The following VAV3 variants were observed in gnomAD, a reference collection of about 807,000 sequenced individuals.
VAV3 encodes the protein vav guanine nucleotide exchange factor 3, also known as guanine nucleotide exchange factor VAV3.
A neutral mutation model predicts 131.2 loss-of-function variants in VAV3; 94 were observed. The observed-to-expected ratio is 0.72, with a 90% CI of 0.61 to 0.85. The LOEUF (loss-of-function observed/expected upper bound fraction) is 0.85. Ranked by LOEUF, VAV3 falls within the 40% of genes least tolerant of loss-of-function variation. The pLI is 0.00. For synonymous variants in VAV3, 349 were observed against 342.0 expected (o/e 1.02, Z -0.22); for missense variants, 939 against 1,002.7 (o/e 0.94, Z 0.86).
chr1:107,711,786 C>T lies in VAV3; in HGVS notation c.1503-6725G>A, dbSNP rs1200485103. On this transcript the variant is annotated intron_variant, in intron 15 of 26. Coordinates refer to ENST00000370056, the MANE Select transcript of VAV3 (RefSeq NM_006113.5). ...TGGTGCAACCTCTGCCTCCCAGGTT[C>T]GAGCGATTCTCATGCCTCAGCCTCC... Among the ~76,000 whole-genome samples, 6 of 152,196 alleles carry T rather than the reference C, an allele frequency of 3.9e-5. No individual in the cohort carries two copies. The East Asian group carries it at 1.2e-3, about 29-fold the overall frequency.
chr1:107,964,659 T>A lies in VAV3; in HGVS notation c.204+7A>T. On this transcript the variant is annotated splice_region_variant and intron_variant, in intron 1 of 26. Transcript: ENST00000370056. The stretch of plus-strand genomic sequence containing the variant: ...TGGAGGCGGGGCGCCCGTGCCGGCC[T>A]CCTCACCTGGGACATCTGCGGCCTC... 2 of 1,609,968 alleles carry A rather than the reference T, an allele frequency of 1.2e-6. No homozygotes were observed. Among genetic ancestry groups the A allele is most frequent in the Non-Finnish European group, 1.7e-6 (2 of 1,177,788 alleles).
chr1:107,662,984 T>G lies in VAV3; in HGVS notation c.1778-20229A>C, dbSNP rs961145362. Among the ~76,000 whole-genome samples, 3 of 152,326 alleles carry G rather than the reference T, an allele frequency of 2.0e-5. No homozygotes were observed. In the South Asian group the frequency reaches 6.2e-4, roughly 32 times the overall value. On this transcript the variant is annotated intron_variant, in intron 19 of 26. Coordinates refer to ENST00000370056, the MANE Select transcript of VAV3 (RefSeq NM_006113.5). ...TGGTCTTGTCCTCCTGAAGCTTCCCTGGGTTTTCAATTACAGTTCTTTACA... is the reference window on the plus strand; with the variant it reads ...TGGTCTTGTCCTCCTGAAGCTTCCCGGGGTTTTCAATTACAGTTCTTTACA...
At chr1:107,824,200 G>A (rs192019658) in intron 2 of VAV3, among the ~76,000 whole-genome samples, 1 of 152,256 alleles carries the variant, frequency 6.6e-6, no homozygotes, top group East Asian at 1.9e-4. Flanking sequence ...GTGGTGATGG[G>A]AACAAATGCC....
intron 19 of VAV3, among the ~76,000 whole-genome samples, chr1:107,674,849 C>A (rs1557753142): frequency 6.6e-6 from 1 of 152,284 alleles, no homozygotes. Flanking sequence ...TGCAAGGAAA[C>A]CCTATCACCT....
intron 2 of VAV3, among the ~76,000 whole-genome samples, chr1:107,829,796 G>A (rs1668168193): frequency 6.6e-6 from 1 of 151,824 alleles, no homozygotes; most frequent in Non-Finnish European, 1.5e-5. Flanking sequence ...TTTAATTATG[G>A]AACATGTTCA....
chr1:107,936,569 T>C (rs1436462878), intron 1 of VAV3, among the ~76,000 whole-genome samples: 1 of 152,164 alleles, frequency 6.6e-6, no homozygotes, highest in Non-Finnish European at 1.5e-5. Context: ...TTTTAATTGT[T>C]TTCATTCATT....
At chr1:107,876,978 T>G (rs1189526788) in intron 1 of VAV3, among the ~76,000 whole-genome samples, 1 of 152,180 alleles carries the variant, frequency 6.6e-6, no homozygotes, top group East Asian at 1.9e-4. Flanking sequence ...CATATCTTTT[T>G]TTACTTCATC....
At chr1:107,798,449 T>C (rs1256854184) in intron 2 of VAV3, among the ~76,000 whole-genome samples, 1 of 151,718 alleles carries the variant, frequency 6.6e-6, no homozygotes, top group Non-Finnish European at 1.5e-5. Context: ...CCAGGCGTGG[T>C]GGCTCATGCC....
chr1:107,798,224 T>A (rs1286271879), intron 2 of VAV3, among the ~76,000 whole-genome samples: 1 of 152,216 alleles, frequency 6.6e-6, no homozygotes, highest in African/African-American at 2.4e-5. Flanking sequence ...TTTATTCTAA[T>A]TTCAACATCC....
rs78524975 is a variant in VAV3, at chr1:107,826,513, C to T, written c.322-47021G>A. ...GAGCTCAATGCAATAAAGTAAGTGT[C>T]GTTTTTGGAAAAAATGAAAATTGCC... On this transcript the variant is annotated intron_variant, in intron 2 of 26. Coordinates refer to ENST00000370056, the MANE Select transcript of VAV3 (RefSeq NM_006113.5). 2.0e-4 allele frequency among the ~76,000 whole-genome samples: 31 copies of T among 152,290 alleles called. 1 individual carries two copies. The highest frequency in any genetic ancestry group is 7.2e-4 in the Admixed American group (11 of 15,296).
In VAV3 at chr1:107,751,200, G is replaced by A; in HGVS notation, c.1176C>T (p.Asn392=). The A allele has an allele frequency of 1.2e-6, 2 of 1,610,078 alleles. No homozygotes were observed. The highest frequency in any genetic ancestry group is 1.7e-6 in the Non-Finnish European group (2 of 1,178,570). The change falls in exon 13 of 27, where the codon AAC becomes AAT. Residue 392 remains asparagine (N), a splice_region_variant and synonymous_variant. Transcript: ENST00000370056. ...KQFQLSIENL[N]QPVLLFGRPQ... ...GTCGTCCAAAAAGCAAAACTGGTTG[G>A]TTCTAAAATATAAAATGCACATGTC...
At chr1:107,726,212 A>AATACAC (rs1661828536) in intron 15 of VAV3, among the ~76,000 whole-genome samples, 1 of 152,210 alleles carries the variant, frequency 6.6e-6, no homozygotes, top group South Asian at 2.1e-4. Flanking sequence ...AGCACTGAGG[A>AATACAC]ATACACATAC....
At chr1:107,751,418 G>A (rs754849461) in intron 12 of VAV3, among the ~76,000 whole-genome samples, 2 of 152,116 alleles carry the variant, frequency 1.3e-5, no homozygotes, top group Non-Finnish European at 2.9e-5. Context: ...GACATCAATT[G>A]ATTTTAATTA....
chr1:107,654,945 A>G (rs1246073460), intron 19 of VAV3, among the ~76,000 whole-genome samples: 1 of 152,186 alleles, frequency 6.6e-6, no homozygotes, highest in Non-Finnish European at 1.5e-5. Flanking sequence ...GAAAAATAAG[A>G]ATGTTAAAAT....
rs1204460135 is a variant in VAV3 at position 107,755,410 on chromosome 1, G to A, written c.1173+17C>T. 1 of 1,572,298 alleles carries A rather than the reference G, an allele frequency of 6.4e-7. No homozygotes were observed. The highest frequency in any genetic ancestry group is 1.7e-5 in the Admixed American group (1 of 59,774). ...TGTGGGGGTGAGGGGAAGCTGGATGGAAAGATAATTACATACCAAATTCTC... is the reference window on the plus strand; with the variant it reads ...TGTGGGGGTGAGGGGAAGCTGGATGAAAAGATAATTACATACCAAATTCTC... On this transcript the variant is annotated intron_variant, in intron 12 of 26. Transcript: ENST00000370056.
At chr1:107,634,154 G>A (rs1654724113) in intron 20 of VAV3, among the ~76,000 whole-genome samples, 2 of 152,188 alleles carry the variant, frequency 1.3e-5, no homozygotes, top group South Asian at 2.1e-4. Flanking sequence ...AAAAGAGCCT[G>A]CATTGCCAAG....
At chr1:107,708,471 T>C (rs1660585352) in intron 15 of VAV3, among the ~76,000 whole-genome samples, 1 of 152,234 alleles carries the variant, frequency 6.6e-6, no homozygotes, top group Non-Finnish European at 1.5e-5. Context: ...GAACTCATTA[T>C]GAATATAACT....
Position 107,574,083 on chromosome 1 carries a change from A to T in VAV3, c.2466T>A (p.Ser822Arg). 6.2e-7 allele frequency: 1 copy of T among 1,614,084 alleles called. No homozygotes were observed. The highest frequency in any genetic ancestry group is 1.7e-5 in the Admixed American group (1 of 60,010). Reference sequence around the variant, plus strand: ...CTTCTCCTCTCCACCAGCCATTTGCACTCATCTTTGTGTAAATCTTCACCA... The same window carrying T: ...CTTCTCCTCTCCACCAGCCATTTGCTCTCATCTTTGTGTAAATCTTCACCA... ...GDVVKIYTKM[S>R]ANGWWRGEVN... is the part of the protein sequence containing the mutation. Residue 822 changes from serine (S) to arginine (R), a missense_variant, in exon 26 of 27, where the codon AGT (serine) becomes AGA (arginine). By Grantham distance (110) the Ser-to-Arg change is moderately radical. Coordinates refer to ENST00000370056, the MANE Select transcript of VAV3 (RefSeq NM_006113.5).
At chr1:107,760,381 A>G (rs965536789) in intron 10 of VAV3, among the ~76,000 whole-genome samples, 2 of 152,204 alleles carry the variant, frequency 1.3e-5, no homozygotes, top group Non-Finnish European at 2.9e-5. Flanking sequence ...AATGTCACAC[A>G]ATTCTCTTTG....
Sources: allele counts gnomAD v4.1 joint callset (sites outside exome capture counted in the v4.1 genomes callset), GRCh38; gene constraint gnomAD v4.1.1; transcripts MANE v1.5; gene names NCBI Gene and HGNC (gene_info 2026-07-23, HGNC 2026-07-21).